CAB39L: variants seen among roughly 807,000 people sequenced by gnomAD.
CAB39L encodes calcium-binding protein 39-like.
In CAB39L, 23 loss-of-function variants were observed where a neutral mutation model predicts 39.1. The ratio of observed to expected loss-of-function variants is 0.59; its 90% CI spans 0.42 to 0.83. The LOEUF (loss-of-function observed/expected upper bound fraction) is 0.83. CAB39L is among the 40% of genes least tolerant of loss of function. CAB39L has a pLI of 0.00. For synonymous variants in CAB39L, 126 were observed against 137.2 expected (o/e 0.92, Z 0.57); for missense variants, 366 against 391.9 (o/e 0.93, Z 0.56).
At chr13:49,420,930 G>A (rs1252315182) in intron 3 of CAB39L, among the ~76,000 whole-genome samples, 4 of 152,076 alleles carry the variant, frequency 2.6e-5, no homozygotes, top group Admixed American at 6.5e-5. Flanking sequence ...GAACACATCT[G>A]CATGAAGAAA....
At chr13:49,410,433 C>G (rs1956967944) in intron 3 of CAB39L, among the ~76,000 whole-genome samples, 1 of 152,158 alleles carries the variant, frequency 6.6e-6, no homozygotes, top group African/African-American at 2.4e-5. Flanking sequence ...CACTTTTCTA[C>G]AAATTATTGA....
At position 49,332,002 on chromosome 13, in the gene CAB39L, TTCA is replaced by T; in HGVS notation, c.776_778del (p.Met259del). The T allele has an allele frequency of 6.2e-7, 1 of 1,614,074 alleles. No individual in the cohort carries two copies. The highest frequency in any genetic ancestry group is 8.5e-7 in the Non-Finnish European group (1 of 1,179,980). On this transcript the variant is annotated inframe_deletion, in exon 10 of 11. Transcript: ENST00000409308. The stretch of plus-strand genomic sequence containing the variant: ...GTTGGGACTTTTATCCCGAAGGAGG[TTCA>T]TCATGAGTTTCAGGTTCTCCGGCTT...
At chr13:49,376,798 G>A (rs1956071885) in intron 5 of CAB39L, among the ~76,000 whole-genome samples, 169 bp downstream of exon 5, 1 of 152,006 alleles carries the variant, frequency 6.6e-6, no homozygotes, top group African/African-American at 2.4e-5. Context: ...TTGGCTTTTT[G>A]CTTTTGTAAA....
chr13:49,386,355 T>C (rs1956360956), intron 3 of CAB39L, among the ~76,000 whole-genome samples: 1 of 152,180 alleles, frequency 6.6e-6, no homozygotes. Flanking sequence ...CATTTATTCA[T>C]TGAATAAATA....
chr13:49,382,795 C>A lies in CAB39L; in HGVS notation c.111+5G>T. The A allele has an allele frequency of 1.3e-6, 2 of 1,564,248 alleles. No individual in the cohort carries two copies. Among genetic ancestry groups the A allele is most frequent in the South Asian group, 1.1e-5 (1 of 89,194 alleles). ...TAATCATAATGTTACTGTTTTAGCT[C>A]TTACCTTGTCTGTCTTTTTGTCTTG... On this transcript the variant is annotated splice_donor_5th_base_variant and intron_variant, in intron 4 of 10. Coordinates refer to ENST00000409308, the MANE Select transcript of CAB39L (RefSeq NM_001079670.3).
rs370368670 is a variant in CAB39L, at chr13:49,346,100, G to GATATATAT, written c.565-1870_565-1863dup. On this transcript the variant is annotated intron_variant, in intron 7 of 10. Coordinates refer to ENST00000409308, the MANE Select transcript of CAB39L (RefSeq NM_001079670.3). The stretch of plus-strand genomic sequence containing the variant: ...GATATATATATATATATATATGCTA[G>GATATATAT]ATATATATATATATATATATATATC... Among the ~76,000 whole-genome samples, 21 of 30,902 alleles carry GATATATAT rather than the reference G, an allele frequency of 6.8e-4. 1 individual carries two copies. The highest frequency in any genetic ancestry group is 3.2e-3 in the East Asian group (2 of 628). 20.3% of individuals were successfully genotyped at this position (30,902 alleles called of 152,430 possible). A position where few individuals can be genotyped will look rare whatever the true frequency, so the allele number is the denominator to read the frequency against.
intron 1 of CAB39L, among the ~76,000 whole-genome samples, chr13:49,435,018 A>ATCTCTCT (rs1376907966): frequency 6.6e-6 from 1 of 152,204 alleles, no homozygotes; most frequent in Admixed American, 6.5e-5. Context: ...ATTTAGAGAA[A>ATCTCTCT]TCTCTCTTCT....
intron 3 of CAB39L, among the ~76,000 whole-genome samples, chr13:49,418,407 G>A (rs1957119266): frequency 6.6e-6 from 1 of 152,128 alleles, no homozygotes; most frequent in East Asian, 1.9e-4. Flanking sequence ...ACTGCTAAGG[G>A]TTACAGAGCT....
At chr13:49,370,454 G>A (rs1221910201) in intron 5 of CAB39L, among the ~76,000 whole-genome samples, 1 of 152,110 alleles carries the variant, frequency 6.6e-6, no homozygotes, top group Non-Finnish European at 1.5e-5. Context: ...TTTAGCACCT[G>A]GCTAAACACT....
At chr13:49,368,603 G>T (rs1955832228) in intron 5 of CAB39L, among the ~76,000 whole-genome samples, 1 of 151,984 alleles carries the variant, frequency 6.6e-6, no homozygotes. Context: ...TCCAGAAATG[G>T]CCCAAAATGC....
At position 49,432,039 on chromosome 13, in the gene CAB39L, G is replaced by A. The variant is rs60425016; in HGVS notation, c.-32+1279C>T. Among the ~76,000 whole-genome samples the A allele has an allele frequency of 7.4e-3, 1,122 of 151,900 alleles. 12 individuals carry two copies. The highest frequency in any genetic ancestry group is 0.025 in the African/African-American group (1,049 of 41,420). Reference sequence around the variant, plus strand: ...GAGTAAAAGCAGAACAAAAAAACGAGTATTTATTTCTTGCCAATTCTTTTT... The same window carrying A: ...GAGTAAAAGCAGAACAAAAAAACGAATATTTATTTCTTGCCAATTCTTTTT... On this transcript the variant is annotated intron_variant, in intron 3 of 10. Transcript: ENST00000409308.
At chr13:49,337,999 C>T (rs555702497) in intron 9 of CAB39L, among the ~76,000 whole-genome samples, 1 of 152,146 alleles carries the variant, frequency 6.6e-6, no homozygotes, top group Non-Finnish European at 1.5e-5. Context: ...TCCCTCACAC[C>T]TCCTTCTCCA....
At chr13:49,418,591 A>G (rs1957121705) in intron 3 of CAB39L, among the ~76,000 whole-genome samples, 1 of 152,198 alleles carries the variant, frequency 6.6e-6, no homozygotes, top group Non-Finnish European at 1.5e-5. Flanking sequence ...TTTTTGAGAC[A>G]CAGTCTCGCT....
At chr13:49,347,695 C>T (rs1454997091) in intron 7 of CAB39L, among the ~76,000 whole-genome samples, 3 of 152,112 alleles carry the variant, frequency 2.0e-5, no homozygotes, top group African/African-American at 4.8e-5. Context: ...AGCTCTAGAT[C>T]CACCTTTTGA....
Position 49,377,017 on chromosome 13 carries a change from T to C in CAB39L, c.226A>G (p.Ser76Gly), listed in dbSNP as rs749678552. ...VAQLAQELYS[S>G]GLLVTLIADL... The stretch of plus-strand genomic sequence containing the variant: ...GCTATCAGTGTCACTAGCAGGCCAC[T>C]GCTGTAGAGTTCTTGTGCTAGCTGA... Residue 76 changes from serine to glycine, a missense_variant, in exon 5 of 11, where the codon AGT (serine) becomes GGT (glycine). Ser to Gly is a moderately conservative substitution (Grantham distance 56). Transcript: ENST00000409308. 1.9e-6 allele frequency: 3 copies of C among 1,613,892 alleles called. No homozygotes were observed. Among genetic ancestry groups the C allele is most frequent in the South Asian group, 2.2e-5 (2 of 91,046 alleles).
In CAB39L at chr13:49,347,461, T is replaced by C. The variant is rs184340429; in HGVS notation, c.565-3223A>G. On this transcript the variant is annotated intron_variant, in intron 7 of 10. Coordinates refer to ENST00000409308, the MANE Select transcript of CAB39L (RefSeq NM_001079670.3). ...TTGGCGTTTGTTCTATGTTTGTAATTATGTGAAGGCTTACTTTTTTTTAAA... is the reference window on the plus strand; with the variant it reads ...TTGGCGTTTGTTCTATGTTTGTAATCATGTGAAGGCTTACTTTTTTTTAAA... 2.5e-4 allele frequency among the ~76,000 whole-genome samples: 38 copies of C among 152,346 alleles called. No homozygotes were observed. In the East Asian group the frequency reaches 7.1e-3, roughly 29 times the overall value.
intron 9 of CAB39L, among the ~76,000 whole-genome samples, chr13:49,337,509 C>T (rs7322484): frequency 0.033 from 5,035 of 152,210 alleles, 277 homozygotes; most frequent in African/African-American, 0.11. Context: ...GGAGAGAGGG[C>T]CACTTATAGA....
intron 5 of CAB39L, 154 bp downstream of exon 5, chr13:49,376,813 A>T (rs968573957): frequency 1.8e-6 from 1 of 569,898 alleles, no homozygotes; most frequent in Non-Finnish European, 2.8e-6. Context: ...TGTAAAAAAT[A>T]GATTAATTGT....
intron 3 of CAB39L, among the ~76,000 whole-genome samples, chr13:49,432,760 T>C (rs1163186606): frequency 1.3e-5 from 2 of 152,198 alleles, no homozygotes; most frequent in African/African-American, 4.8e-5. Context: ...AAAAATTGTG[T>C]AAATTAAGGC....
Sources: allele counts gnomAD v4.1 joint callset (sites outside exome capture counted in the v4.1 genomes callset), GRCh38; gene constraint gnomAD v4.1.1; transcripts MANE v1.5; gene names NCBI Gene and HGNC (gene_info 2026-07-23, HGNC 2026-07-21).